Variants in DLC1 observed in about 807,000 individuals in gnomAD.
The protein encoded by DLC1 is DLC1 Rho GTPase activating protein.
In DLC1, 54 loss-of-function variants were observed where a neutral mutation model predicts 140.3. That is an observed-to-expected ratio of 0.38 (90% confidence interval 0.31 to 0.48). The LOEUF (loss-of-function observed/expected upper bound fraction) is 0.48, where lower values mean the gene tolerates loss of function less well. Ranked by LOEUF, DLC1 falls within the 20% of genes least tolerant of loss-of-function variation. DLC1 has a pLI of 0.96. For synonymous variants in DLC1, 986 were observed against 728.1 expected, an observed-to-expected ratio of 1.35 and a Z score of -5.70; for missense variants, 2,536 against 1,907.0, an observed-to-expected ratio of 1.33 and a Z score of -6.14.
In DLC1 at chr8:13,580,337, G is replaced by A. The variant is rs1805047663; in HGVS notation, c.-126+24200C>T. Reference sequence around the variant, plus strand: ...AGGGTTTCGCCGTGTTAGCCAGGATGGCCTCGATCGCCTGACCTCGTGATC... The same window carrying A: ...AGGGTTTCGCCGTGTTAGCCAGGATAGCCTCGATCGCCTGACCTCGTGATC... On this transcript the variant is annotated intron_variant, in intron 1 of 1. Coordinates refer to the DLC1 transcript ENST00000631382. 1.3e-5 allele frequency among the ~76,000 whole-genome samples: 2 copies of A among 152,196 alleles called. 1 individual carries two copies. Among genetic ancestry groups the A allele is most frequent in the African/African-American group, 4.8e-5 (2 of 41,524 alleles).
At chr8:13,359,677 A>G (rs1018586305) in intron 4 of DLC1, among the ~76,000 whole-genome samples, 9 of 152,180 alleles carry the variant, frequency 5.9e-5, no homozygotes, top group Non-Finnish European at 1.3e-4. Flanking sequence ...ATCTTGCAAA[A>G]TCATTTAAGG....
At chr8:13,453,396 ATATATGTG>A (rs199748674) in intron 2 of DLC1, among the ~76,000 whole-genome samples, 4,034 of 43,326 alleles carry the variant, frequency 0.093, 297 homozygotes, top group Non-Finnish European at 0.11. Flanking sequence ...GGATATATAT[ATATATGTG>A]TATATATATA....
At chr8:13,480,199 G>C (rs1800658843) in intron 2 of DLC1, among the ~76,000 whole-genome samples, 2 of 152,232 alleles carry the variant, frequency 1.3e-5, no homozygotes, top group Admixed American at 1.3e-4. Context: ...ATAGAGCATA[G>C]ACAGTTAAAT....
intron 4 of DLC1, among the ~76,000 whole-genome samples, chr8:13,344,888 A>G (rs913978602): frequency 6.6e-6 from 1 of 152,246 alleles, no homozygotes; most frequent in African/African-American, 2.4e-5. Flanking sequence ...AATTGTGTGC[A>G]CACTTTTAAC....
At chr8:13,546,450 A>C (rs938203345) in intron 1 of DLC1, among the ~76,000 whole-genome samples, 11 of 152,172 alleles carry the variant, frequency 7.2e-5, no homozygotes, top group African/African-American at 2.7e-4. Context: ...AACTTAACAA[A>C]GGAAATTTTT....
intron 5 of DLC1, among the ~76,000 whole-genome samples, chr8:13,196,101 C>T (rs1478327454): frequency 7.3e-6 from 1 of 136,926 alleles, no homozygotes; most frequent in Non-Finnish European, 1.5e-5. Flanking sequence ...TTGATACACA[C>T]ACACACACAC....
intron 5 of DLC1, among the ~76,000 whole-genome samples, chr8:13,231,719 G>C (rs904583505): frequency 2.0e-5 from 3 of 152,146 alleles, no homozygotes; most frequent in Non-Finnish European, 4.4e-5. Context: ...AAAGTCACAA[G>C]GCATACATTA....
At chr8:13,229,201 T>G (rs1828934850) in intron 5 of DLC1, among the ~76,000 whole-genome samples, 1 of 152,152 alleles carries the variant, frequency 6.6e-6, no homozygotes, top group South Asian at 2.1e-4. Context: ...ACTGGACATT[T>G]GGATAAATGG....
chr8:13,475,154 A>C (rs1800382783), intron 2 of DLC1, among the ~76,000 whole-genome samples: 1 of 152,144 alleles, frequency 6.6e-6, no homozygotes, highest in Non-Finnish European at 1.5e-5. Context: ...ATCAGATCAT[A>C]ATTTCAGTTT....
chr8:13,302,711 C>A (rs980984695), intron 5 of DLC1, among the ~76,000 whole-genome samples: 404 of 121,932 alleles, frequency 3.3e-3, no homozygotes, highest in Middle Eastern at 8.3e-3. Flanking sequence ...TAGAAAGATA[C>A]AAAAAAAAAA....
At chr8:13,424,073 G>C (rs981152) in intron 2 of DLC1, among the ~76,000 whole-genome samples, 1 of 152,206 alleles carries the variant, frequency 6.6e-6, no homozygotes, top group Admixed American at 6.5e-5. Context: ...TTTTAAGGGG[G>C]TGTTTCCTTA....
chr8:13,143,812 CTGAG>C (rs1478050421), intron 5 of DLC1, among the ~76,000 whole-genome samples: 1 of 53,606 alleles, frequency 1.9e-5, no homozygotes, highest in African/African-American at 7.5e-5. Context: ...AAATGAAAAG[CTGAG>C]AGAGAGAGAG....
Position 13,506,581 on chromosome 8 carries a change from G to GTGTGTGTATATA in DLC1, c.-125-6386_-125-6385insTATATACACACA, listed in dbSNP as rs1246764417. 1.0e-3 allele frequency among the ~76,000 whole-genome samples: 133 copies of GTGTGTGTATATA among 131,078 alleles called. 1 individual carries two copies. Among genetic ancestry groups the GTGTGTGTATATA allele is most frequent in the African/African-American group, 3.9e-3 (122 of 31,128 alleles). 86.0% of individuals were successfully genotyped at this position (131,078 alleles called of 152,430 possible). A position where few individuals can be genotyped will look rare whatever the true frequency, so the allele number is the denominator to read the frequency against. ...CACACACACACATGTGTGTGTGTGT[G>GTGTGTGTATATA]TATATATATATATATATATATATAT... On this transcript the variant is annotated intron_variant, in intron 1 of 17. Transcript: ENST00000276297.
intron 5 of DLC1, among the ~76,000 whole-genome samples, chr8:13,181,173 G>A (rs570744924): frequency 3.9e-5 from 6 of 152,072 alleles, no homozygotes; most frequent in South Asian, 4.2e-4. Flanking sequence ...GAACAAAAGG[G>A]ACCTGAGATT....
chr8:13,550,619 G>T (rs990976096), intron 1 of DLC1, among the ~76,000 whole-genome samples: 1 of 152,040 alleles, frequency 6.6e-6, no homozygotes, highest in Non-Finnish European at 1.5e-5. Context: ...TAAAATAATA[G>T]AATCTTAAAA....
intron 2 of DLC1, among the ~76,000 whole-genome samples, chr8:13,407,935 A>G (rs1180935784): frequency 6.6e-6 from 1 of 152,218 alleles, no homozygotes; most frequent in East Asian, 1.9e-4. Context: ...TTCTCATTCT[A>G]GACTTTCCTT....
At chr8:13,254,653 T>G (rs547638196) in intron 5 of DLC1, among the ~76,000 whole-genome samples, 6 of 147,086 alleles carry the variant, frequency 4.1e-5, no homozygotes, top group Admixed American at 1.4e-4. Context: ...TCAGATATTA[T>G]TGGAAACTAC....
intron 1 of DLC1, among the ~76,000 whole-genome samples, chr8:13,510,836 G>T (rs774618697): frequency 7.2e-5 from 11 of 152,010 alleles, no homozygotes; most frequent in Non-Finnish European, 1.6e-4. Context: ...GTTAACCTCT[G>T]GCCCCAGGCT....
At chr8:13,601,789 A>C (rs962958953) in intron 1 of DLC1, among the ~76,000 whole-genome samples, 8 of 151,952 alleles carry the variant, frequency 5.3e-5, no homozygotes, top group Admixed American at 2.6e-4. Context: ...TAGAAAATGC[A>C]ATCATATATA....
Sources: allele counts gnomAD v4.1 joint callset (sites outside exome capture counted in the v4.1 genomes callset), GRCh38; gene constraint gnomAD v4.1.1; transcripts MANE v1.5; gene names NCBI Gene and HGNC (gene_info 2026-07-23, HGNC 2026-07-21).